The following CDC6 variants were observed in gnomAD, a reference collection of about 807,000 sequenced individuals.
CDC6 encodes the protein cell division cycle 6, also known as DNA replication factor CDC6.
A neutral mutation model predicts 60.2 loss-of-function variants in CDC6; 46 were observed. The ratio of observed to expected loss-of-function variants is 0.76; its 90% confidence interval spans 0.60 to 0.98. The LOEUF (loss-of-function observed/expected upper bound fraction) is 0.98. Ranked by LOEUF, CDC6 falls within the 50% of genes least tolerant of loss-of-function variation. The probability of loss-of-function intolerance (pLI) is 0.00; values close to 1 mark genes in which losing one functional copy is unlikely to be tolerated. For synonymous variants in CDC6, 210 were observed against 233.2 expected (o/e 0.90, Z 0.90); for missense variants, 596 against 652.9 (o/e 0.91, Z 0.95).
At chr17:40,294,229 G>C (rs2032823254) in intron 6 of CDC6, 135 bp from the exon 7 acceptor site, 4 of 877,838 alleles carry the variant, frequency 4.6e-6, no homozygotes, top group Non-Finnish European at 7.5e-6. Flanking sequence ...CTATTGGGAT[G>C]GGGTAGGAGA....
intron 4 of CDC6, among the ~76,000 whole-genome samples, chr17:40,291,987 T>C (rs1000581552): frequency 9.9e-5 from 15 of 152,172 alleles, no homozygotes; most frequent in African/African-American, 3.6e-4. Flanking sequence ...CACCTCATGG[T>C]CCGCCCTTGT....
At chr17:40,294,342 A>T (rs77353413) in intron 6 of CDC6, 22 bp from the exon 7 acceptor site, 2 of 1,567,760 alleles carry the variant, frequency 1.3e-6, no homozygotes, top group Non-Finnish European at 8.8e-7. Context: ...CCAATGATCA[A>T]TGTTGTTGAT....
At chr17:40,294,651 T>C (rs1225649721) in intron 7 of CDC6, 148 bp downstream of exon 7, 4 of 725,864 alleles carry the variant, frequency 5.5e-6, no homozygotes, top group Non-Finnish European at 9.6e-6. Flanking sequence ...CATTTTTATG[T>C]GAATTTCAGC....
At chr17:40,295,334 A>G in intron 7 of CDC6, 22 bp from the exon 8 acceptor site, 2 of 1,469,094 alleles carry the variant, frequency 1.4e-6, no homozygotes, top group African/African-American at 2.8e-5. Flanking sequence ...TCAAACTGTC[A>G]TCTTCTATGT....
At chr17:40,297,172 C>T (rs2032870689) in intron 9 of CDC6, among the ~76,000 whole-genome samples, 1 of 152,106 alleles carries the variant, frequency 6.6e-6, no homozygotes, top group South Asian at 2.1e-4. Context: ...TGCGGTGGTT[C>T]ACACCTGTAA....
rs762102354 is a variant in CDC6 at position 40,301,628 on chromosome 17, A to T, written c.1593+20A>T. ...ACAAAGGTACAACTGCTTTTTTGTGACAGTGTTTTTAATTGTCCTATTTTG... is the reference window on the plus strand; with the variant it reads ...ACAAAGGTACAACTGCTTTTTTGTGTCAGTGTTTTTAATTGTCCTATTTTG... On this transcript the variant is annotated intron_variant, in intron 11 of 11. Transcript: ENST00000209728. 3.1e-6 allele frequency: 5 copies of T among 1,612,948 alleles called. No individual in the cohort carries two copies. The highest frequency in any genetic ancestry group is 4.2e-6 in the Non-Finnish European group (5 of 1,178,948).
In CDC6 at chr17:40,294,395, A is replaced by T; in HGVS notation, c.975A>T (p.Arg325Ser). 6.2e-7 allele frequency: 1 copy of T among 1,609,580 alleles called. No homozygotes were observed. Among genetic ancestry groups the T allele is most frequent in the Admixed American group, 1.7e-5 (1 of 60,010 alleles). Residue 325 changes from arginine to serine, a missense_variant, in exon 7 of 12, where the codon AGA becomes AGT. By Grantham distance (110) the Arg-to-Ser change is moderately radical. Transcript: ENST00000209728. ...CTAATACCCTGGATCTCACAGATAG[A>T]ATTCTACCTAGGCTTCAAGCTAGAG... Reference protein sequence around the residue: ...GIANTLDLTDRILPRLQAREK... With the variant: ...GIANTLDLTDSILPRLQAREK...
intron 5 of CDC6, 149 bp from the exon 6 acceptor site, chr17:40,293,801 G>A: frequency 1.1e-6 from 1 of 873,152 alleles, no homozygotes; most frequent in Admixed American, 1.8e-5. Flanking sequence ...AGATGATGTG[G>A]GGTATCCTTG....
intron 9 of CDC6, 61 bp downstream of exon 9, chr17:40,296,828 AAG>A (rs1299272500): frequency 9.5e-7 from 1 of 1,049,324 alleles, no homozygotes; most frequent in Non-Finnish European, 1.5e-6. Flanking sequence ...TTTCTGAGGA[AAG>A]AGGTAGAAAG....
intron 10 of CDC6, 84 bp from the exon 11 acceptor site, chr17:40,301,384 C>A: frequency 7.1e-7 from 1 of 1,417,312 alleles, no homozygotes; most frequent in Non-Finnish European, 1.0e-6. Context: ...TTTTTGCAAA[C>A]CCAGACTCAG....
chr17:40,295,657 C>T (rs978110986), intron 8 of CDC6, among the ~76,000 whole-genome samples: 2 of 151,934 alleles, frequency 1.3e-5, no homozygotes, highest in Non-Finnish European at 2.9e-5. Flanking sequence ...AGTCCATTAC[C>T]TACAGAGGGA....
chr17:40,294,565 A>G, intron 7 of CDC6, 62 bp downstream of exon 7: 1 of 1,501,374 alleles, frequency 6.7e-7, no homozygotes, highest in Non-Finnish European at 9.3e-7. Context: ...AGGAAAATTT[A>G]ACAATAGTTC....
chr17:40,295,591 T>A (rs2032846014), intron 8 of CDC6, 135 bp downstream of exon 8: 1 of 681,320 alleles, frequency 1.5e-6, no homozygotes, highest in Non-Finnish European at 2.6e-6. Context: ...AAAGGAGGAC[T>A]TGTTTCTCAG....
At position 40,301,939 on chromosome 17, in the gene CDC6, A is replaced by G; in HGVS notation, c.1621A>G (p.Ile541Val). Residue 541 changes from isoleucine to valine, a missense_variant, in exon 12 of 12, where the codon ATA becomes GTA. Transcript: ENST00000209728. ...GTTTTTCAAGATTGAAGAGAAAGAAATAGAACATGCTCTGAAAGATAAAGC... is the reference window on the plus strand; with the variant it reads ...GTTTTTCAAGATTGAAGAGAAAGAAGTAGAACATGCTCTGAAAGATAAAGC... ...KVFFKIEEKE[I>V]EHALKDKALI... is the part of the protein sequence containing the mutation. 6.3e-7 allele frequency: 1 copy of G among 1,599,612 alleles called. No homozygotes were observed. Among genetic ancestry groups the G allele is most frequent in the Non-Finnish European group, 8.6e-7 (1 of 1,166,824 alleles).
In CDC6 at chr17:40,291,627, G is replaced by A; in HGVS notation, c.619G>A (p.Gly207Arg). The change falls in exon 4 of 12, where the codon GGA becomes AGA. Residue 207 changes from glycine (G) to arginine (R), a missense_variant. Coordinates refer to ENST00000209728, the MANE Select transcript of CDC6 (RefSeq NM_001254.4). ...SLYLSGAPGT[G>R]KTACLSRILQ... ...TTACCTTTCTGGTGCTCCTGGAACT[G>A]GAAAAACTGCCTGCTTAAGCCGGAT... The A allele has an allele frequency of 6.2e-7, 1 of 1,614,216 alleles. No homozygotes were observed. Among genetic ancestry groups the A allele is most frequent in the East Asian group, 2.2e-5 (1 of 44,892 alleles).
chr17:40,300,779 C>A, intron 9 of CDC6, 49 bp from the exon 10 acceptor site: 5 of 1,364,096 alleles, frequency 3.7e-6, no homozygotes, highest in Non-Finnish European at 5.2e-6. Context: ...TACATACACA[C>A]ACACAGTATT....
intron 8 of CDC6, among the ~76,000 whole-genome samples, chr17:40,295,698 G>A (rs932612993): frequency 4.6e-5 from 7 of 152,126 alleles, no homozygotes; most frequent in Non-Finnish European, 7.3e-5. Context: ...GGCACTCCCT[G>A]TGGTGATTAT....
Position 40,291,600 on chromosome 17 carries a change from C to T in CDC6, c.592C>T (p.Leu198Phe). ...EHICGKKAGS[L>F]YLSGAPGTGK... Reference sequence around the variant, plus strand: ...CATCTGTGGGAAAAAAGCTGGAAGCCTTTACCTTTCTGGTGCTCCTGGAAC... The same window carrying T: ...CATCTGTGGGAAAAAAGCTGGAAGCTTTTACCTTTCTGGTGCTCCTGGAAC... The change falls in exon 4 of 12, where the codon CTT becomes TTT. Residue 198 changes from leucine to phenylalanine, a missense_variant. By Grantham distance (22) the Leu-to-Phe change is conservative. Transcript: ENST00000209728. 1 of 1,614,214 alleles carries T rather than the reference C, an allele frequency of 6.2e-7. No individual in the cohort carries two copies. The highest frequency in any genetic ancestry group is 8.5e-7 in the Non-Finnish European group (1 of 1,180,038).
rs565899649 is a variant in CDC6, at chr17:40,293,618, A to C, written c.823A>C (p.Lys275Gln). 5.0e-6 allele frequency: 8 copies of C among 1,612,702 alleles called. No individual in the cohort carries two copies. In the African/African-American group the frequency reaches 1.1e-4, roughly 21 times the overall value. ...RKLEKHMTAE[K>Q]GPMIVLVLDE... is the part of the protein sequence containing the mutation. Reference sequence around the variant, plus strand: ...ATTGGAAAAACATATGACTGCAGAGAAGGGCCCCATGATGTAAGTATTGTT... The same window carrying C: ...ATTGGAAAAACATATGACTGCAGAGCAGGGCCCCATGATGTAAGTATTGTT... Residue 275 changes from lysine (K) to glutamine (Q), a missense_variant, in exon 5 of 12, where the codon AAG becomes CAG. Coordinates refer to ENST00000209728, the MANE Select transcript of CDC6 (RefSeq NM_001254.4).
Sources: allele counts gnomAD v4.1 joint callset (sites outside exome capture counted in the v4.1 genomes callset), GRCh38; gene constraint gnomAD v4.1.1; transcripts MANE v1.5; gene names NCBI Gene and HGNC (gene_info 2026-07-23, HGNC 2026-07-21).